Variants in CDH10 observed in about 807,000 individuals in gnomAD.
CDH10 encodes cadherin 10, also known as cadherin-10.
In CDH10, 30 loss-of-function variants were observed where a neutral mutation model predicts 73.1. That is an observed-to-expected ratio of 0.41 (90% CI 0.31 to 0.56). The LOEUF is 0.56. Among genes scored for constraint, CDH10 ranks in the 20% least tolerant of loss-of-function variants. The pLI, the probability that CDH10 is intolerant of heterozygous loss-of-function variation, is 0.27. For missense variants in CDH10, 815 were observed against 973.7 expected, an observed-to-expected ratio of 0.84 and a Z score of 2.17; for synonymous variants, 345 against 348.2, an observed-to-expected ratio of 0.99 and a Z score of 0.10.
In CDH10 at chr5:24,491,821, G is replaced by A. The variant is rs1416655010; in HGVS notation, c.1631C>T (p.Thr544Ile). 1.3e-6 allele frequency: 2 copies of A among 1,588,886 alleles called. No individual in the cohort carries two copies. Among genetic ancestry groups the A allele is most frequent in the South Asian group, 2.2e-5 (2 of 89,342 alleles). ...NFTVQDNEDNTARILTRKNGF... is the reference protein window; with the variant it reads ...NFTVQDNEDNIARILTRKNGF... The stretch of plus-strand genomic sequence containing the variant: ...ATTTTTTCTGGTTAAGATTCTGGCA[G>A]TATTATCTAAAACAAATTTTAAAAT... The change falls in exon 11 of 12, where the codon ACT becomes ATT. Residue 544 changes from threonine (T) to isoleucine (I), a missense_variant. Transcript: ENST00000264463.
intron 2 of CDH10, among the ~76,000 whole-genome samples, chr5:24,547,492 A>G (rs1579790228): frequency 6.6e-6 from 1 of 151,376 alleles, no homozygotes; most frequent in Middle Eastern, 3.4e-3. Context: ...CTTCTAGGAG[A>G]AAAAAAAATA....
intron 1 of CDH10, among the ~76,000 whole-genome samples, chr5:24,625,363 T>C (rs1438001268): frequency 4.6e-5 from 7 of 151,780 alleles, no homozygotes. Flanking sequence ...ATGAACTAAA[T>C]AGCAAGAGTA....
intron 1 of CDH10, among the ~76,000 whole-genome samples, chr5:24,607,777 G>A (rs1746809107): frequency 6.6e-6 from 1 of 152,166 alleles, no homozygotes; most frequent in African/African-American, 2.4e-5. Flanking sequence ...TTGTCATAAT[G>A]AGGAAAAAGC....
At position 24,487,539 on chromosome 5, in the gene CDH10, A is replaced by C; in HGVS notation, c.*124T>G. On this transcript the variant is annotated 3_prime_UTR_variant, in exon 12 of 12. Transcript: ENST00000264463. ...TAATGTAATTAATGAACAAATTAAG[A>C]AGTAAATGAGAAAAAAAATTGTGCT... is the stretch of plus-strand genomic sequence containing the variant. 1 of 817,714 alleles carries C rather than the reference A, an allele frequency of 1.2e-6. No individual in the cohort carries two copies. The highest frequency in any genetic ancestry group is 2.3e-5 in the Admixed American group (1 of 42,956). 50.7% of individuals were successfully genotyped at this position (817,714 alleles called of 1,614,324 possible).
At chr5:24,560,651 A>G (rs941522150) in intron 2 of CDH10, among the ~76,000 whole-genome samples, 1 of 152,006 alleles carries the variant, frequency 6.6e-6, no homozygotes, top group African/African-American at 2.4e-5. Context: ...CTGAGACTGT[A>G]GGAGATTATG....
intron 5 of CDH10, among the ~76,000 whole-genome samples, chr5:24,518,436 G>A: frequency 6.6e-6 from 1 of 151,758 alleles, no homozygotes; most frequent in East Asian, 1.9e-4. Context: ...TATGCACACA[G>A]ATAAATATAT....
intron 2 of CDH10, among the ~76,000 whole-genome samples, chr5:24,565,510 T>C (rs1745135247): frequency 6.6e-6 from 1 of 152,118 alleles, no homozygotes; most frequent in Admixed American, 6.6e-5. Context: ...GCAAAATCAA[T>C]GGAAAGATAT....
chr5:24,527,850 ATG>A (rs956701347), intron 5 of CDH10, among the ~76,000 whole-genome samples: 3 of 151,512 alleles, frequency 2.0e-5, no homozygotes, highest in South Asian at 2.1e-4. Context: ...AAAAAGGTAA[ATG>A]TGTGTGTGTG....
intron 2 of CDH10, among the ~76,000 whole-genome samples, chr5:24,587,677 G>C (rs1250412343): frequency 6.6e-6 from 1 of 151,956 alleles, no homozygotes; most frequent in Non-Finnish European, 1.5e-5. Flanking sequence ...TAATATTCTT[G>C]ACTATATATT....
At chr5:24,527,191 T>C (rs1743563143) in intron 5 of CDH10, among the ~76,000 whole-genome samples, 1 of 149,364 alleles carries the variant, frequency 6.7e-6, no homozygotes, top group Non-Finnish European at 1.5e-5. Flanking sequence ...TAATCATATA[T>C]ATTTTGTGTA....
chr5:24,620,143 T>A (rs1343781995), intron 1 of CDH10, among the ~76,000 whole-genome samples: 1 of 152,208 alleles, frequency 6.6e-6, no homozygotes, highest in Non-Finnish European at 1.5e-5. Flanking sequence ...CTTCAGCTCA[T>A]AAAGCTCTTA....
At chr5:24,619,789 C>T (rs920075134) in intron 1 of CDH10, among the ~76,000 whole-genome samples, 10 of 152,100 alleles carry the variant, frequency 6.6e-5, no homozygotes, top group Admixed American at 3.3e-4. Context: ...AAAGGGACCC[C>T]AGACCACTAG....
At chr5:24,518,428 TGCACACAGATAAATATATTTATATATAC>T in intron 5 of CDH10, among the ~76,000 whole-genome samples, 1 of 152,176 alleles carries the variant, frequency 6.6e-6, no homozygotes, top group Non-Finnish European at 1.5e-5. Flanking sequence ...TATGTATATA[TGCACACAGATAAATATATTTATATATAC>T]ATGCATATAC....
At chr5:24,608,300 T>A (rs191763939) in intron 1 of CDH10, among the ~76,000 whole-genome samples, 37 of 152,062 alleles carry the variant, frequency 2.4e-4, no homozygotes, top group East Asian at 1.5e-3. Context: ...TGTTTTTTTT[T>A]ATTATTATTT....
At chr5:24,533,516 T>A (rs1192569763) in intron 5 of CDH10, among the ~76,000 whole-genome samples, 1 of 151,930 alleles carries the variant, frequency 6.6e-6, no homozygotes, top group East Asian at 1.9e-4. Context: ...TTCCTGAAAA[T>A]GTAAAATATA....
At chr5:24,534,505 C>T (rs1167688247) in intron 5 of CDH10, among the ~76,000 whole-genome samples, 1 of 151,982 alleles carries the variant, frequency 6.6e-6, no homozygotes, top group East Asian at 1.9e-4. Flanking sequence ...GGTTCTTTAC[C>T]TATTCCTAAT....
At chr5:24,622,286 T>C (rs1747343893) in intron 1 of CDH10, among the ~76,000 whole-genome samples, 1 of 152,176 alleles carries the variant, frequency 6.6e-6, no homozygotes. Context: ...AGCTTCTAAA[T>C]GTTATGGGAA....
Position 24,511,591 on chromosome 5 carries a change from G to T in CDH10, c.815-77C>A, listed in dbSNP as rs963951626. 7 of 658,510 alleles carry T rather than the reference G, an allele frequency of 1.1e-5. No homozygotes were observed. In the South Asian group the frequency reaches 1.2e-4, roughly 11 times the overall value. 40.8% of individuals were successfully genotyped at this position (658,510 alleles called of 1,614,324 possible). ...AGAGAGAGAGAGAGAGAGAGAGAGA[G>T]ATTTCTCAATAGAATAGCCAAAAGC... is the stretch of plus-strand genomic sequence containing the variant. On this transcript the variant is annotated intron_variant, in intron 5 of 11. Coordinates refer to ENST00000264463, the MANE Select transcript of CDH10 (RefSeq NM_006727.5).
At chr5:24,490,983 C>CTA (rs1165752550) in intron 11 of CDH10, among the ~76,000 whole-genome samples, 1 of 152,122 alleles carries the variant, frequency 6.6e-6, no homozygotes, top group Non-Finnish European at 1.5e-5. Flanking sequence ...TGAGACCCTA[C>CTA]TATTATCTTC....
Sources: gnomAD v4.1 joint callset for allele counts (sites outside exome capture counted in the v4.1 genomes callset) on GRCh38, gnomAD v4.1.1 for gene constraint, MANE v1.5 for transcripts, NCBI Gene and HGNC (gene_info 2026-07-23, HGNC 2026-07-21) for gene names.